CDNF: variants seen among roughly 807,000 people sequenced by gnomAD.
The protein encoded by CDNF is ARMET-like protein 1.
In CDNF, 9 loss-of-function variants were observed where a neutral mutation model predicts 14.8. The observed-to-expected ratio is 0.61, with a 90% CI of 0.37 to 1.06. CDNF has a LOEUF of 1.06. Ranked by LOEUF, CDNF falls within the 50% of genes least tolerant of loss-of-function variation. The pLI is 0.01. For synonymous variants in CDNF, 86 were observed against 87.2 expected (o/e 0.99, Z 0.07); for missense variants, 228 against 228.4 (o/e 1.00, Z 0.01).
At chr10:14,824,878 A>C (rs1352441255) in intron 3 of CDNF, among the ~76,000 whole-genome samples, 1 of 152,040 alleles carries the variant, frequency 6.6e-6, no homozygotes, top group Non-Finnish European at 1.5e-5. Context: ...TGCTCTCTCT[A>C]TATGTTGAGA....
rs1833722981 is a variant in CDNF at position 14,819,930 on chromosome 10, G to A, written c.*50C>T. 2 of 1,541,600 alleles carry A rather than the reference G, an allele frequency of 1.3e-6. No homozygotes were observed. Among genetic ancestry groups the A allele is most frequent in the African/African-American group, 1.4e-5 (1 of 72,952 alleles). Reference sequence around the variant, plus strand: ...TTAATCAACATGTCCATATCCTAGAGAGTCACTTTTCTCTCTAATTACAAG... The same window carrying A: ...TTAATCAACATGTCCATATCCTAGAAAGTCACTTTTCTCTCTAATTACAAG... On this transcript the variant is annotated 3_prime_UTR_variant, in exon 4 of 4. Transcript: ENST00000465530.
At chr10:14,830,506 T>C (rs571737950) in intron 1 of CDNF, among the ~76,000 whole-genome samples, 7 of 152,186 alleles carry the variant, frequency 4.6e-5, no homozygotes, top group African/African-American at 1.7e-4. Context: ...TTTAACTGTA[T>C]GAATTCTTTG....
intron 1 of CDNF, among the ~76,000 whole-genome samples, chr10:14,836,683 G>C (rs1833890687): frequency 6.6e-6 from 1 of 152,236 alleles, no homozygotes; most frequent in Admixed American, 6.5e-5. Context: ...TGTAATCCCA[G>C]CACTTTGGGA....
rs1406478909 is a variant in CDNF, at chr10:14,820,185, A to G, written c.386-27T>C. The G allele has an allele frequency of 6.2e-6, 10 of 1,603,888 alleles. No homozygotes were observed. The East Asian group carries it at 6.7e-5, about 11-fold the overall frequency. ...TAAATGGCAAAAAGGAAAAAAGCCA[A>G]TTACAAAATAAATGGAAAAAAAATC... On this transcript the variant is annotated intron_variant, in intron 3 of 3. Transcript: ENST00000465530.
At chr10:14,829,881 C>T (rs1291741453) in intron 1 of CDNF, among the ~76,000 whole-genome samples, 2 of 152,304 alleles carry the variant, frequency 1.3e-5, no homozygotes, top group South Asian at 2.1e-4. Context: ...CTGCCCATCT[C>T]GGCCTCCCAA....
At chr10:14,826,048 A>G (rs915511123) in intron 2 of CDNF, among the ~76,000 whole-genome samples, 3 of 124,636 alleles carry the variant, frequency 2.4e-5, no homozygotes, top group African/African-American at 1.0e-4. Context: ...AAGAAGAAGA[A>G]GAAGAAGAAG....
At chr10:14,828,782 G>C (rs748766968) in intron 1 of CDNF, among the ~76,000 whole-genome samples, 31 of 152,184 alleles carry the variant, frequency 2.0e-4, no homozygotes, top group Non-Finnish European at 4.1e-4. Context: ...GAAGCAGAAA[G>C]ATCACTTGAG....
chr10:14,829,727 T>C (rs1833828902), intron 1 of CDNF, among the ~76,000 whole-genome samples: 1 of 152,162 alleles, frequency 6.6e-6, no homozygotes, highest in Non-Finnish European at 1.5e-5. Flanking sequence ...CCTCCCTGGC[T>C]CAAGTGATTC....
At chr10:14,828,043 T>C in intron 2 of CDNF, 102 bp downstream of exon 2, 1 of 1,184,368 alleles carries the variant, frequency 8.4e-7, no homozygotes, top group South Asian at 1.4e-5. Flanking sequence ...TGGACATACT[T>C]GAGGCAAACA....
chr10:14,830,289 T>A (rs773712766), intron 1 of CDNF, among the ~76,000 whole-genome samples: 5 of 152,160 alleles, frequency 3.3e-5, no homozygotes, highest in Admixed American at 1.3e-4. Context: ...TTCCTTATAG[T>A]CCCCTATGGG....
chr10:14,824,617 A>AG (rs1399236522), intron 3 of CDNF, among the ~76,000 whole-genome samples: 1 of 151,708 alleles, frequency 6.6e-6, no homozygotes, highest in Non-Finnish European at 1.5e-5. Flanking sequence ...AAAAAAAAAA[A>AG]AAAAAAAAAA....
At chr10:14,836,073 C>T (rs994970409) in intron 1 of CDNF, among the ~76,000 whole-genome samples, 3 of 151,992 alleles carry the variant, frequency 2.0e-5, no homozygotes, top group Admixed American at 6.5e-5. Context: ...TCAATAGGTC[C>T]GAGACGGCTC....
intron 3 of CDNF, among the ~76,000 whole-genome samples, chr10:14,823,013 T>A (rs913359620): frequency 3.0e-4 from 45 of 152,226 alleles, no homozygotes; most frequent in African/African-American, 1.1e-3. Context: ...ATCTTGCTTG[T>A]TAATTTCATG....
rs61746971 is a variant in CDNF at position 14,820,043 on chromosome 10, A to G, written c.501T>C (p.Tyr167=). ...ECRACAEKTD[Y]VNLIQELAPK... The stretch of plus-strand genomic sequence containing the variant: ...GGGCCAGCTCTTGAATGAGATTCAC[A>G]TAGTCAGTTTTTTCTGCACAGGCCC... The change falls in exon 4 of 4, where the codon TAT becomes TAC. Residue 167 remains tyrosine, a synonymous_variant. Coordinates refer to ENST00000465530, the MANE Select transcript of CDNF (RefSeq NM_001029954.3). The G allele has an allele frequency of 2.7e-3, 4,397 of 1,614,060 alleles. 98 individuals carry two copies. The African/African-American group carries it at 0.051, about 19-fold the overall frequency.
Position 14,825,482 on chromosome 10 carries a change from A to C in CDNF, c.382T>G (p.Tyr128Asp). 1.2e-6 allele frequency: 2 copies of C among 1,613,914 alleles called. No individual in the cohort carries two copies. ...KLDSQICELK[Y>D]EKTLDLASVD... is the part of the protein sequence containing the mutation. ...AAAACACGGGGCTGTGTTATACCAT[A>C]TTTCAGCTCACAGATCTGGCTATCC... The change falls in exon 3 of 4, where the codon TAT becomes GAT. Residue 128 changes from tyrosine (Y) to aspartate (D), a missense_variant. By Grantham distance (160) the Tyr-to-Asp change is radical. Transcript: ENST00000465530.
At chr10:14,828,300 A>T in intron 1 of CDNF, 28 bp from the exon 2 acceptor site, 1 of 1,610,942 alleles carries the variant, frequency 6.2e-7, no homozygotes, top group South Asian at 1.1e-5. Context: ...ATATGTCTGC[A>T]TGCACAACTT....
chr10:14,821,130 C>CTT (rs919214923), intron 3 of CDNF, among the ~76,000 whole-genome samples: 17 of 146,218 alleles, frequency 1.2e-4, no homozygotes, highest in African/African-American at 3.7e-4. Flanking sequence ...AGTTCTTTTT[C>CTT]TTTTTTTTTT....
intron 2 of CDNF, among the ~76,000 whole-genome samples, chr10:14,826,194 C>CAGAAGAAGA (rs372563801): frequency 1.8e-5 from 2 of 113,340 alleles, no homozygotes; most frequent in Non-Finnish European, 3.5e-5. Flanking sequence ...GCAGAAGCAG[C>CAGAAGAAGA]AGAAGAAGAA....
At position 14,825,633 on chromosome 10, in the gene CDNF, G is replaced by T; in HGVS notation, c.244-13C>A. 1 of 1,612,876 alleles carries T rather than the reference G, an allele frequency of 6.2e-7. No homozygotes were observed. The highest frequency in any genetic ancestry group is 8.5e-7 in the Non-Finnish European group (1 of 1,179,196). The stretch of plus-strand genomic sequence containing the variant: ...CTAGATAATAGCACTGAAGGAAAAT[G>T]AAGAGAATTGAGTGTTCCAGACAAT... On this transcript the variant is annotated splice_polypyrimidine_tract_variant and intron_variant, in intron 2 of 3. Coordinates refer to ENST00000465530, the MANE Select transcript of CDNF (RefSeq NM_001029954.3).
Sources: gnomAD v4.1 joint callset for allele counts (sites outside exome capture counted in the v4.1 genomes callset) on GRCh38, gnomAD v4.1.1 for gene constraint, MANE v1.5 for transcripts, NCBI Gene and HGNC (gene_info 2026-07-23, HGNC 2026-07-21) for gene names.